Variants in DPF2 observed in about 807,000 individuals in gnomAD.
DPF2 encodes the protein double PHD fingers 2, also known as zinc finger protein ubi-d4.
DPF2 carries 10 observed loss-of-function variants against 59.6 expected under a neutral mutation model. The observed-to-expected ratio is 0.17, with a 90% CI of 0.10 to 0.28. DPF2 has a LOEUF of 0.28. Ranked by LOEUF, DPF2 falls within the 10% of genes least tolerant of loss-of-function variation. The pLI, the probability that DPF2 is intolerant of heterozygous loss-of-function variation, is 1.00. For synonymous variants in DPF2, 189 were observed against 190.6 expected (o/e 0.99, Z 0.07); for missense variants, 315 against 509.4 (o/e 0.62, Z 3.67).
intron 1 of DPF2, among the ~76,000 whole-genome samples, chr11:65,336,664 C>T (rs906780337): frequency 2.0e-5 from 3 of 150,606 alleles, no homozygotes; most frequent in African/African-American, 7.4e-5. Context: ...TGGCGTGTGT[C>T]TGTAATCCCA....
In DPF2 at chr11:65,341,070, C is replaced by T; in HGVS notation, c.298C>T (p.Pro100Ser). 1.2e-6 allele frequency: 2 copies of T among 1,613,962 alleles called. No individual in the cohort carries two copies. Among genetic ancestry groups the T allele is most frequent in the Non-Finnish European group, 1.7e-6 (2 of 1,179,994 alleles). Residue 100 changes from proline (P) to serine (S), a missense_variant, in exon 3 of 11, where the codon CCA (proline) becomes TCA (serine). Physicochemically the swap from Pro to Ser is moderately conservative, Grantham distance 74. Coordinates refer to ENST00000528416, the MANE Select transcript of DPF2 (RefSeq NM_006268.5). ...ACGACTTTCCTTCCCATCTATTAAG[C>T]CAGGTAAGGCACATACTTCCTGAGC... ...DPRLSFPSIK[P>S]DTDQTLKKEG...
In DPF2 at chr11:65,346,015, A is replaced by G. The variant is rs151219453; in HGVS notation, c.861A>G (p.Gly287=). The G allele has an allele frequency of 2.5e-5, 41 of 1,614,222 alleles. No homozygotes were observed. In the African/African-American group the frequency reaches 4.9e-4, roughly 19 times the overall value. The change falls in exon 8 of 11, where the codon GGA becomes GGG. Residue 287 remains glycine, a synonymous_variant. Transcript: ENST00000528416. Reference sequence around the variant, plus strand: ...ACTCAAAGATTAACAAGAAGACGGGACAACCCGAGGAGCTGGTGTCCTGTT... The same window carrying G: ...ACTCAAAGATTAACAAGAAGACGGGGCAACCCGAGGAGCTGGTGTCCTGTT... ...LGDSKINKKT[G]QPEELVSCSD...
chr11:65,334,736 C>T (rs962498689), intron 1 of DPF2, among the ~76,000 whole-genome samples: 6 of 152,162 alleles, frequency 3.9e-5, no homozygotes, highest in Non-Finnish European at 8.8e-5. Flanking sequence ...TTGATTTATT[C>T]CTACAGAAGA....
intron 1 of DPF2, among the ~76,000 whole-genome samples, chr11:65,334,722 G>A (rs1287615072): frequency 6.6e-6 from 1 of 152,174 alleles, no homozygotes; most frequent in Non-Finnish European, 1.5e-5. Context: ...AGATGCTTTG[G>A]GACTTGATTT....
intron 6 of DPF2, chr11:65,344,571 G>A: frequency 6.5e-7 from 1 of 1,535,806 alleles, no homozygotes; most frequent in South Asian, 1.2e-5. Flanking sequence ...TTTTCTTTCT[G>A]TCTTTCAGAT....
chr11:65,337,951 T>C (rs1431256317), intron 1 of DPF2, among the ~76,000 whole-genome samples: 1 of 152,134 alleles, frequency 6.6e-6, no homozygotes, highest in Non-Finnish European at 1.5e-5. Context: ...ATTATGGTCA[T>C]GTACCACCAC....
chr11:65,334,003 G>A (rs1335781949), intron 1 of DPF2, 85 bp downstream of exon 1: 1 of 1,552,244 alleles, frequency 6.4e-7, no homozygotes, highest in South Asian at 1.2e-5. Context: ...GGGACTAGGC[G>A]GAGAGAGGGA....
chr11:65,351,606 G>T, intron 10 of DPF2, 77 bp from the exon 11 acceptor site: 1 of 1,232,118 alleles, frequency 8.1e-7, no homozygotes, highest in Admixed American at 1.7e-5. Flanking sequence ...ATAGAGATGG[G>T]GTATCAAGAG....
intron 10 of DPF2, among the ~76,000 whole-genome samples, chr11:65,350,707 A>C (rs1385188268): frequency 6.6e-6 from 1 of 151,512 alleles, no homozygotes; most frequent in East Asian, 2.0e-4. Context: ...TAAAAATATA[A>C]AAACTGGCTG....
intron 1 of DPF2, among the ~76,000 whole-genome samples, chr11:65,338,448 C>T (rs1312786684): frequency 6.6e-6 from 1 of 152,248 alleles, no homozygotes; most frequent in Non-Finnish European, 1.5e-5. Flanking sequence ...TCTGACTTTG[C>T]AGCACTCGCC....
chr11:65,346,088 G>T, intron 8 of DPF2, 30 bp downstream of exon 8: 1 of 1,613,300 alleles, frequency 6.2e-7, no homozygotes, highest in South Asian at 1.1e-5. Flanking sequence ...CTGCTGCTTT[G>T]CCCAGTCCCC....
chr11:65,351,910 C>A lies in DPF2; in HGVS notation c.*151C>A. 1.2e-6 allele frequency: 1 copy of A among 836,934 alleles called. No homozygotes were observed. The highest frequency in any genetic ancestry group is 1.9e-6 in the Non-Finnish European group (1 of 533,578). 51.8% of individuals were successfully genotyped at this position (836,934 alleles called of 1,614,324 possible). A position where few individuals can be genotyped will look rare whatever the true frequency, so the allele number is the denominator to read the frequency against. The stretch of plus-strand genomic sequence containing the variant: ...CCAGCCTGCCTTTGGCAGCTGCAAG[C>A]TGAGGTGGCAGCTCTGACCACCTCT... On this transcript the variant is annotated 3_prime_UTR_variant, in exon 11 of 11. Transcript: ENST00000528416.
In DPF2 at chr11:65,341,470, A is replaced by G; in HGVS notation, c.373A>G (p.Thr125Ala). The change falls in exon 4 of 11, where the codon ACT becomes GCT. Residue 125 changes from threonine to alanine, a missense_variant. By Grantham distance (58) the Thr-to-Ala change is moderately conservative (BLOSUM62 0). Transcript: ENST00000528416. ...DGSSLEALLRTDPLEKRGAPD... is the reference protein window; with the variant it reads ...DGSSLEALLRADPLEKRGAPD... ...CAGTAGTTTAGAGGCTCTGTTGCGC[A>G]CTGACCCCCTGGAGAAGCGAGGTGC... 6.2e-7 allele frequency: 1 copy of G among 1,614,234 alleles called. No individual in the cohort carries two copies. Among genetic ancestry groups the G allele is most frequent in the Non-Finnish European group, 8.5e-7 (1 of 1,180,050 alleles).
In DPF2 at chr11:65,352,155, C is replaced by G. The variant is rs1286347935; in HGVS notation, c.*396C>G. The G allele has an allele frequency of 4.7e-6, 1 of 214,294 alleles. No individual in the cohort carries two copies. Among genetic ancestry groups the G allele is most frequent in the Non-Finnish European group, 9.5e-6 (1 of 105,450 alleles). 13.3% of individuals were successfully genotyped at this position (214,294 alleles called of 1,614,324 possible). On this transcript the variant is annotated 3_prime_UTR_variant, in exon 11 of 11. Coordinates refer to ENST00000528416, the MANE Select transcript of DPF2 (RefSeq NM_006268.5). ...CTGGTCTCCAGAGTTTTCCTGTCCT[C>G]TAGAGGCAAGCCAGGCCAGGGAGCT... is the stretch of plus-strand genomic sequence containing the variant.
intron 1 of DPF2, among the ~76,000 whole-genome samples, chr11:65,334,748 T>C (rs1295140374): frequency 6.6e-6 from 1 of 152,194 alleles, no homozygotes; most frequent in Non-Finnish European, 1.5e-5. Context: ...TACAGAAGAA[T>C]CAGAATGAGT....
intron 1 of DPF2, among the ~76,000 whole-genome samples, chr11:65,337,452 CAAA>C (rs750931920): frequency 1.6e-3 from 21 of 13,514 alleles, no homozygotes; most frequent in African/African-American, 2.0e-3. Context: ...GACTCTATCT[CAAA>C]AAAAAAAAAA....
rs550928421 is a variant in DPF2 at position 65,345,697 on chromosome 11, C to T, written c.669C>T (p.Gly223=). 82 of 1,614,168 alleles carry T rather than the reference C, an allele frequency of 5.1e-5. No homozygotes were observed. In the South Asian group the frequency reaches 8.5e-4, roughly 17 times the overall value. Residue 223 remains glycine (G), a synonymous_variant, in exon 7 of 11, where the codon GGC becomes GGT. Transcript: ENST00000528416. Reference sequence around the variant, plus strand: ...GAAAACGTTACAAGAACCGACCAGGCCTCAGTTACCACTATGCCCACTCCC... The same window carrying T: ...GAAAACGTTACAAGAACCGACCAGGTCTCAGTTACCACTATGCCCACTCCC... ...ICGKRYKNRP[G]LSYHYAHSHL...
chr11:65,343,783 T>C lies in DPF2; in HGVS notation c.504T>C (p.Asp168=), dbSNP rs1243326513. 6.3e-7 allele frequency: 1 copy of C among 1,598,214 alleles called. No homozygotes were observed. Among genetic ancestry groups the C allele is most frequent in the Admixed American group, 1.7e-5 (1 of 57,792 alleles). ...CAGATGACTTCCTGGATGACCTCGA[T>C]GATGAAGACTATGAAGAAGATACTC... The part of the protein sequence containing the change: ...LEPDDFLDDL[D]DEDYEEDTPK... Residue 168 remains aspartate, a synonymous_variant, in exon 5 of 11, where the codon GAT becomes GAC. Coordinates refer to ENST00000528416, the MANE Select transcript of DPF2 (RefSeq NM_006268.5).
chr11:65,336,186 T>A (rs763509929), intron 1 of DPF2, among the ~76,000 whole-genome samples: 1 of 152,100 alleles, frequency 6.6e-6, no homozygotes. Flanking sequence ...CCCTTCCGAA[T>A]GTGATGTCAG....
Sources: gnomAD v4.1 joint callset for allele counts (sites outside exome capture counted in the v4.1 genomes callset) on GRCh38, gnomAD v4.1.1 for gene constraint, MANE v1.5 for transcripts, NCBI Gene and HGNC (gene_info 2026-07-23, HGNC 2026-07-21) for gene names.